OR52E4: variants seen among roughly 807,000 people sequenced by gnomAD.
OR52E4 encodes the protein olfactory receptor 52E4.
For synonymous variants in OR52E4, 169 were observed against 137.4 expected (o/e 1.23, Z -1.61); for missense variants, 444 against 383.8 (o/e 1.16, Z -1.31).
chr11:5,884,561 A>C lies in OR52E4; in HGVS notation c.269A>C (p.Asn90Thr). The C allele has an allele frequency of 6.2e-7, 1 of 1,613,442 alleles. No homozygotes were observed. The highest frequency in any genetic ancestry group is 1.3e-5 in the African/African-American group (1 of 74,948). Residue 90 changes from asparagine (N) to threonine (T), a missense_variant, in exon 2 of 2, where the codon AAC becomes ACC. Physicochemically the swap from Asn to Thr is moderately conservative, Grantham distance 65. Transcript: ENST00000641726. ...IPKMLGIFWFNLQEISFGGCL... is the reference protein window; with the variant it reads ...IPKMLGIFWFTLQEISFGGCL... ...AAAATGCTAGGAATCTTCTGGTTCA[A>C]CCTCCAAGAGATCAGCTTTGGGGGA... is the stretch of plus-strand genomic sequence containing the variant.
intron 1 of OR52E4, among the ~76,000 whole-genome samples, chr11:5,883,047 T>C (rs10500658): frequency 0.32 from 48,649 of 151,990 alleles, 8,102 homozygotes; most frequent in East Asian, 0.47. Context: ...CCTTAAAACA[T>C]TTTAATTTCA....
intron 1 of OR52E4, among the ~76,000 whole-genome samples, chr11:5,882,385 C>G (rs544408929): frequency 6.6e-6 from 1 of 152,154 alleles, no homozygotes; most frequent in African/African-American, 2.4e-5. Flanking sequence ...TCTCACAACA[C>G]ATCATCCTAG....
At chr11:5,883,394 C>T (rs984394594) in intron 1 of OR52E4, among the ~76,000 whole-genome samples, 2 of 151,844 alleles carry the variant, frequency 1.3e-5, no homozygotes, top group African/African-American at 2.4e-5. Context: ...TGTATAAGAT[C>T]CTTACGTTTA....
In OR52E4 at chr11:5,886,828, C is replaced by G. The variant is rs573093252; in HGVS notation, c.*1597C>G. On this transcript the variant is annotated 3_prime_UTR_variant, in exon 2 of 2. Coordinates refer to ENST00000641726, the MANE Select transcript of OR52E4 (RefSeq NM_001005165.2). ...TTTTAGGAAATGGGGGCGGATATAG[C>G]CAAGTAGACAAGAAAAGCAACATCA... 1 of 152,132 alleles carries G rather than the reference C, an allele frequency of 6.6e-6. No homozygotes were observed. The highest frequency in any genetic ancestry group is 1.9e-4 in the East Asian group (1 of 5,156). 9.4% of individuals were successfully genotyped at this position (152,132 alleles called of 1,614,324 possible).
At chr11:5,881,709 G>GT (rs2134273867) in intron 1 of OR52E4, among the ~76,000 whole-genome samples, 1 of 152,124 alleles carries the variant, frequency 6.6e-6, no homozygotes, top group South Asian at 2.1e-4. Flanking sequence ...AATAAAATAA[G>GT]TAAGTATAAT....
In OR52E4 at chr11:5,884,516, T is replaced by C. The variant is rs1442328826; in HGVS notation, c.224T>C (p.Leu75Pro). ...LAMLSMIDLG[L>P]STSTIPKMLG... The stretch of plus-strand genomic sequence containing the variant: ...ATGTTGTCTATGATTGATCTGGGTC[T>C]GTCCACATCCACTATCCCCAAAATG... Residue 75 changes from leucine (L) to proline (P), a missense_variant, in exon 2 of 2, where the codon CTG (leucine) becomes CCG (proline). Physicochemically the swap from Leu to Pro is moderately conservative, Grantham distance 98. Coordinates refer to ENST00000641726, the MANE Select transcript of OR52E4 (RefSeq NM_001005165.2). The C allele has an allele frequency of 6.2e-7, 1 of 1,613,542 alleles. No homozygotes were observed. Among genetic ancestry groups the C allele is most frequent in the South Asian group, 1.1e-5 (1 of 91,084 alleles).
At position 5,885,293 on chromosome 11, in the gene OR52E4, C is replaced by T; in HGVS notation, c.*62C>T. The T allele has an allele frequency of 7.1e-6, 8 of 1,130,940 alleles. No individual in the cohort carries two copies. Among genetic ancestry groups the T allele is most frequent in the Non-Finnish European group, 8.6e-6 (7 of 810,012 alleles). The allele number at this position is 1,130,940 out of a possible 1,614,324, so 70.1% of individuals were successfully genotyped here. On this transcript the variant is annotated 3_prime_UTR_variant, in exon 2 of 2. Transcript: ENST00000641726. The stretch of plus-strand genomic sequence containing the variant: ...AACCCAAATTATCATCATCTGAGCT[C>T]CCTTTTTAATCTTCTGTAACAGTTG...
Position 5,884,814 on chromosome 11 carries a change from C to T in OR52E4, c.522C>T (p.Asn174=), listed in dbSNP as rs1358097253. The part of the protein sequence containing the change: ...LILRLPFCGH[N]IVPHTYCEHR... Reference sequence around the variant, plus strand: ...TGCGTCTGCCATTCTGTGGGCATAACATCGTACCTCACACATACTGTGAGC... The same window carrying T: ...TGCGTCTGCCATTCTGTGGGCATAATATCGTACCTCACACATACTGTGAGC... The change falls in exon 2 of 2, where the codon AAC becomes AAT. Residue 174 remains asparagine, a synonymous_variant. Transcript: ENST00000641726. 2.5e-6 allele frequency: 4 copies of T among 1,613,462 alleles called. No individual in the cohort carries two copies. Among genetic ancestry groups the T allele is most frequent in the South Asian group, 1.1e-5 (1 of 91,078 alleles).
rs577600869 is a variant in OR52E4 at position 5,886,765 on chromosome 11, G to A, written c.*1534G>A. The stretch of plus-strand genomic sequence containing the variant: ...TTTAGAACCACTGTGTAGTTTGTAT[G>A]ACAATATACAAAATACTCAAAAGTA... On this transcript the variant is annotated 3_prime_UTR_variant, in exon 2 of 2. Transcript: ENST00000641726. 37 of 152,150 alleles carry A rather than the reference G, an allele frequency of 2.4e-4. No individual in the cohort carries two copies. Among genetic ancestry groups the A allele is most frequent in the African/African-American group, 8.9e-4 (37 of 41,524 alleles). The allele number at this position is 152,150 out of a possible 1,614,324, so 9.4% of individuals were successfully genotyped here.
chr11:5,881,311 C>A (rs1846960381), intron 1 of OR52E4, among the ~76,000 whole-genome samples: 2 of 152,062 alleles, frequency 1.3e-5, no homozygotes, highest in South Asian at 4.1e-4. Flanking sequence ...AAGCACAATA[C>A]CCCTGCTAGA....
Position 5,885,472 on chromosome 11 carries a change from T to G in OR52E4, c.*241T>G. The G allele has an allele frequency of 2.5e-6, 1 of 404,494 alleles. No homozygotes were observed. Among genetic ancestry groups the G allele is most frequent in the South Asian group, 4.8e-5 (1 of 20,826 alleles). The allele number at this position is 404,494 out of a possible 1,614,324, so 25.1% of individuals were successfully genotyped here. A position where few individuals can be genotyped will look rare whatever the true frequency, so the allele number is the denominator to read the frequency against. On this transcript the variant is annotated 3_prime_UTR_variant, in exon 2 of 2. Transcript: ENST00000641726. ...ATGGAGAAGGTAACTATGCTGAAGG[T>G]TGAGGTGGCTTTGGAGTAGAACTGC...
At position 5,885,178 on chromosome 11, in the gene OR52E4, A is replaced by G; in HGVS notation, c.886A>G (p.Arg296Gly). The G allele has an allele frequency of 6.2e-7, 1 of 1,607,504 alleles. No homozygotes were observed. The highest frequency in any genetic ancestry group is 8.5e-7 in the Non-Finnish European group (1 of 1,177,456). ...CCTTAACCCTGTCATTTATGGAGTC[A>G]GGACCAAGCAGATCCGAGAGCAAAT... ...PALNPVIYGV[R>G]TKQIREQIVK... Residue 296 changes from arginine to glycine, a missense_variant, in exon 2 of 2, where the codon AGG (arginine) becomes GGG (glycine). Physicochemically the swap from Arg to Gly is moderately radical, Grantham distance 125. Transcript: ENST00000641726.
Position 5,884,758 on chromosome 11 carries a change from G to C in OR52E4, c.466G>C (p.Val156Leu). ...LASVVVGRNL[V>L]LVTPFVFLIL... The stretch of plus-strand genomic sequence containing the variant: ...TTCTGTGGTTGTTGGAAGAAATTTA[G>C]TTCTTGTAACCCCATTTGTGTTTCT... The change falls in exon 2 of 2, where the codon GTT (valine) becomes CTT (leucine). Residue 156 changes from valine to leucine, a missense_variant. Physicochemically the swap from Val to Leu is conservative, Grantham distance 32. Transcript: ENST00000641726. 6.2e-7 allele frequency: 1 copy of C among 1,613,636 alleles called. No individual in the cohort carries two copies. Among genetic ancestry groups the C allele is most frequent in the Non-Finnish European group, 8.5e-7 (1 of 1,179,786 alleles).
rs1847021969 is a variant in OR52E4, at chr11:5,885,065, T to C, written c.773T>C (p.Phe258Ser). The C allele has an allele frequency of 4.3e-6, 7 of 1,613,494 alleles. No individual in the cohort carries two copies. The highest frequency in any genetic ancestry group is 5.9e-6 in the Non-Finnish European group (7 of 1,179,750). Residue 258 changes from phenylalanine (F) to serine (S), a missense_variant, in exon 2 of 2, where the codon TTT becomes TCT. Transcript: ENST00000641726. ...CTGTGCTTTTACACACCAGCATTTT[T>C]TTCTTTTATGACACATCGTTTTGGC... ...VMLCFYTPAF[F>S]SFMTHRFGQN... is the part of the protein sequence containing the mutation.
Position 5,885,292 on chromosome 11 carries a change from T to C in OR52E4, c.*61T>C. Reference sequence around the variant, plus strand: ...CAACCCAAATTATCATCATCTGAGCTCCCTTTTTAATCTTCTGTAACAGTT... The same window carrying C: ...CAACCCAAATTATCATCATCTGAGCCCCCTTTTTAATCTTCTGTAACAGTT... On this transcript the variant is annotated 3_prime_UTR_variant, in exon 2 of 2. Coordinates refer to ENST00000641726, the MANE Select transcript of OR52E4 (RefSeq NM_001005165.2). The C allele has an allele frequency of 8.7e-7, 1 of 1,148,224 alleles. No homozygotes were observed. The highest frequency in any genetic ancestry group is 1.6e-5 in the South Asian group (1 of 61,740). The allele number at this position is 1,148,224 out of a possible 1,614,324, so 71.1% of individuals were successfully genotyped here. A position where few individuals can be genotyped will look rare whatever the true frequency, so the allele number is the denominator to read the frequency against.
At position 5,884,472 on chromosome 11, in the gene OR52E4, C is replaced by T. The variant is rs1002744926; in HGVS notation, c.180C>T (p.Pro60=). 5.0e-6 allele frequency: 8 copies of T among 1,613,490 alleles called. No homozygotes were observed. Among genetic ancestry groups the T allele is most frequent in the Non-Finnish European group, 6.8e-6 (8 of 1,179,620 alleles). The change falls in exon 2 of 2, where the codon CCC becomes CCT. Residue 60 remains proline, a synonymous_variant. Coordinates refer to ENST00000641726, the MANE Select transcript of OR52E4 (RefSeq NM_001005165.2). Reference sequence around the variant, plus strand: ...AAACTGAACATAGTCTACACCAGCCCATGTTCTACTTCCTGGCCATGTTGT... The same window carrying T: ...AAACTGAACATAGTCTACACCAGCCTATGTTCTACTTCCTGGCCATGTTGT... ...VIKTEHSLHQ[P]MFYFLAMLSM...
chr11:5,882,825 T>G (rs12796940), intron 1 of OR52E4, among the ~76,000 whole-genome samples: 58,327 of 151,680 alleles, frequency 0.38, 11,533 homozygotes, highest in Non-Finnish European at 0.43. Flanking sequence ...GAACCAACAT[T>G]CATGTGGCAG....
At position 5,886,736 on chromosome 11, in the gene OR52E4, ATAATT is replaced by A. The variant is rs1202113264; in HGVS notation, c.*1508_*1512del. On this transcript the variant is annotated 3_prime_UTR_variant, in exon 2 of 2. Coordinates refer to ENST00000641726, the MANE Select transcript of OR52E4 (RefSeq NM_001005165.2). ...TCAGAAGAAGTCTCCCTCATGTTCT[ATAATT>A]TAGAACCACTGTGTAGTTTGTATGA... 2 of 152,094 alleles carry A rather than the reference ATAATT, an allele frequency of 1.3e-5. No individual in the cohort carries two copies. Among genetic ancestry groups the A allele is most frequent in the African/African-American group, 4.8e-5 (2 of 41,436 alleles). 9.4% of individuals were successfully genotyped at this position (152,094 alleles called of 1,614,324 possible). A position where few individuals can be genotyped will look rare whatever the true frequency, so the allele number is the denominator to read the frequency against.
At position 5,880,655 on chromosome 11, in the gene OR52E4, AC is replaced by A. The variant is rs1401542493; in HGVS notation, c.-132del. 1 of 152,218 alleles carries A rather than the reference AC, an allele frequency of 6.6e-6. No individual in the cohort carries two copies. Among genetic ancestry groups the A allele is most frequent in the Admixed American group, 6.6e-5 (1 of 15,258 alleles). 9.4% of individuals were successfully genotyped at this position (152,218 alleles called of 1,614,324 possible). A position where few individuals can be genotyped will look rare whatever the true frequency, so the allele number is the denominator to read the frequency against. ...GGGAACCTAATCACGGTCTTTAAGAACCTGGACTCATGCTCCAATTCTGCTC... is the reference window on the plus strand; with the variant it reads ...GGGAACCTAATCACGGTCTTTAAGAACTGGACTCATGCTCCAATTCTGCTC... On this transcript the variant is annotated 5_prime_UTR_variant, in exon 1 of 2. Coordinates refer to ENST00000641726, the MANE Select transcript of OR52E4 (RefSeq NM_001005165.2).
Sources: allele counts gnomAD v4.1 joint callset (sites outside exome capture counted in the v4.1 genomes callset), GRCh38; gene constraint gnomAD v4.1.1; transcripts MANE v1.5; gene names NCBI Gene and HGNC (gene_info 2026-07-23, HGNC 2026-07-21).